TMEM132D: variants seen among roughly 807,000 people sequenced by gnomAD.
TMEM132D encodes transmembrane protein 132D.
In TMEM132D, 21 loss-of-function variants were observed where a neutral mutation model predicts 62.3. That is an observed-to-expected ratio of 0.34 (90% CI 0.24 to 0.49). The LOEUF is 0.49. TMEM132D is among the 20% of genes least tolerant of loss of function. TMEM132D has a pLI of 0.99. For synonymous variants in TMEM132D, 621 were observed against 575.6 expected (o/e 1.08, Z -1.13); for missense variants, 1,346 against 1,402.8 (o/e 0.96, Z 0.65).
At chr12:129,697,902 T>TAC (rs36080799) in intron 2 of TMEM132D, among the ~76,000 whole-genome samples, 5,220 of 143,828 alleles carry the variant, frequency 0.036, 273 homozygotes, top group African/African-American at 0.12. Flanking sequence ...CATCACTGCT[T>TAC]ACACACACAC....
intron 1 of TMEM132D, among the ~76,000 whole-genome samples, chr12:129,770,197 G>A (rs1870695424): frequency 7.2e-6 from 1 of 138,294 alleles, no homozygotes; most frequent in Non-Finnish European, 1.5e-5. Context: ...AGGCTGGAGT[G>A]CAGTGGCACA....
intron 5 of TMEM132D, among the ~76,000 whole-genome samples, chr12:129,204,063 T>C (rs1247972828): frequency 6.6e-6 from 1 of 152,102 alleles, no homozygotes; most frequent in African/African-American, 2.4e-5. Context: ...ACTGAAGAAA[T>C]ATCAGCCCAC....
chr12:129,323,912 ATT>A lies in TMEM132D; in HGVS notation c.1299+13720_1299+13721del, dbSNP rs3884224. Among the ~76,000 whole-genome samples, 689 of 150,282 alleles carry A rather than the reference ATT, an allele frequency of 4.6e-3. 2 individuals are homozygous for A. Among genetic ancestry groups the A allele is most frequent in the Middle Eastern group, 0.014 (4 of 292 alleles). On this transcript the variant is annotated intron_variant, in intron 4 of 8. Coordinates refer to ENST00000422113, the MANE Select transcript of TMEM132D (RefSeq NM_133448.3). ...ACATTTTCTATAGGAAGTAGGTTTT[ATT>A]TTTTTTTTTTGAAGGTTTTAAGATT... is the stretch of plus-strand genomic sequence containing the variant.
chr12:129,376,999 A>G (rs1040757284), intron 3 of TMEM132D, among the ~76,000 whole-genome samples: 1 of 152,226 alleles, frequency 6.6e-6, no homozygotes, highest in Non-Finnish European at 1.5e-5. Flanking sequence ...GCGTTTGCTC[A>G]GTGGAATTCC....
At chr12:129,270,334 C>T (rs936367873) in intron 4 of TMEM132D, among the ~76,000 whole-genome samples, 8 of 152,290 alleles carry the variant, frequency 5.3e-5, no homozygotes, top group Admixed American at 5.2e-4. Flanking sequence ...CTGTAGAACA[C>T]AGGGTACCAC....
intron 3 of TMEM132D, among the ~76,000 whole-genome samples, chr12:129,402,139 C>G (rs1310432161): frequency 6.6e-6 from 1 of 152,140 alleles, no homozygotes; most frequent in Non-Finnish European, 1.5e-5. Context: ...CCTATGCATA[C>G]CTCGATAATC....
intron 5 of TMEM132D, among the ~76,000 whole-genome samples, chr12:129,103,936 TA>T (rs1875400593): frequency 6.6e-6 from 1 of 152,192 alleles, no homozygotes; most frequent in Admixed American, 6.5e-5. Context: ...TGGGTAGGAA[TA>T]ATCAATATCT....
At chr12:129,465,038 TTG>T (rs1219316066) in intron 3 of TMEM132D, among the ~76,000 whole-genome samples, 2 of 151,746 alleles carry the variant, frequency 1.3e-5, no homozygotes, top group Non-Finnish European at 1.5e-5. Flanking sequence ...GGGGATGGCA[TTG>T]AATCTATTAA....
At chr12:129,718,764 A>G (rs1868692329) in intron 1 of TMEM132D, among the ~76,000 whole-genome samples, 1 of 152,198 alleles carries the variant, frequency 6.6e-6, no homozygotes. Context: ...AGCTTGGGCA[A>G]ATCATTTAAC....
chr12:129,801,528 A>C (rs1871784143), intron 1 of TMEM132D, among the ~76,000 whole-genome samples: 1 of 151,008 alleles, frequency 6.6e-6, no homozygotes. Context: ...CACACCAAAA[A>C]CCCATCTGTA....
At chr12:129,658,596 A>G (rs1481870751) in intron 2 of TMEM132D, among the ~76,000 whole-genome samples, 1 of 152,148 alleles carries the variant, frequency 6.6e-6, no homozygotes, top group African/African-American at 2.4e-5. Context: ...GCCTCAGAAA[A>G]CTGCTTGACG....
chr12:129,513,837 TTTATTTATTTA>T, intron 3 of TMEM132D, among the ~76,000 whole-genome samples: 1 of 140,480 alleles, frequency 7.1e-6, no homozygotes, highest in Non-Finnish European at 1.5e-5. Flanking sequence ...TATTTATTTA[TTTATTTATTTA>T]TTTTTTTGAG....
intron 1 of TMEM132D, among the ~76,000 whole-genome samples, chr12:129,841,451 C>T (rs1438332009): frequency 1.3e-5 from 2 of 152,260 alleles, no homozygotes; most frequent in Admixed American, 1.3e-4. Context: ...ACCCTTGGTC[C>T]CAGGGCTGCT....
intron 1 of TMEM132D, among the ~76,000 whole-genome samples, chr12:129,849,270 C>T (rs893538971): frequency 2.0e-5 from 3 of 152,204 alleles, no homozygotes; most frequent in Non-Finnish European, 4.4e-5. Flanking sequence ...TATATAAATA[C>T]GCTGCTTTTT....
intron 4 of TMEM132D, among the ~76,000 whole-genome samples, chr12:129,276,596 G>A (rs1881013819): frequency 1.3e-5 from 2 of 152,140 alleles, no homozygotes; most frequent in Non-Finnish European, 2.9e-5. Context: ...TCAGTTCCAG[G>A]CATGCAGCCA....
intron 5 of TMEM132D, among the ~76,000 whole-genome samples, chr12:129,201,944 T>A (rs1289587421): frequency 6.6e-6 from 1 of 152,048 alleles, no homozygotes; most frequent in Non-Finnish European, 1.5e-5. Flanking sequence ...ATTTCCAACC[T>A]CTGAGAATCA....
intron 1 of TMEM132D, among the ~76,000 whole-genome samples, chr12:129,797,643 CCA>C (rs1396935681): frequency 6.6e-6 from 1 of 152,152 alleles, no homozygotes; most frequent in African/African-American, 2.4e-5. Flanking sequence ...TTATGGAAAT[CCA>C]CAGTCTTCCT....
At chr12:129,622,861 A>G (rs1330557586) in intron 2 of TMEM132D, among the ~76,000 whole-genome samples, 1 of 152,222 alleles carries the variant, frequency 6.6e-6, no homozygotes, top group African/African-American at 2.4e-5. Flanking sequence ...AAATGAGCCA[A>G]TCAAGGATGC....
chr12:129,742,251 C>G (rs1004107407), intron 1 of TMEM132D, among the ~76,000 whole-genome samples: 1 of 152,186 alleles, frequency 6.6e-6, no homozygotes, highest in South Asian at 2.1e-4. Context: ...GTTTATTTGG[C>G]ACACAGTTCT....
Sources: allele counts gnomAD v4.1 joint callset (sites outside exome capture counted in the v4.1 genomes callset), GRCh38; gene constraint gnomAD v4.1.1; transcripts MANE v1.5; gene names NCBI Gene and HGNC (gene_info 2026-07-23, HGNC 2026-07-21).